CMIP: variants seen among roughly 807,000 people sequenced by gnomAD.
The protein encoded by CMIP is C-Maf-inducing protein.
In CMIP, 13 loss-of-function variants were observed where a neutral mutation model predicts 97.3. That is an observed-to-expected ratio of 0.13 (90% CI 0.09 to 0.21). CMIP has a LOEUF of 0.21. CMIP is among the 10% of genes least tolerant of loss of function. CMIP has a pLI of 1.00. For synonymous variants in CMIP, 538 were observed against 436.3 expected (o/e 1.23, Z -2.91); for missense variants, 847 against 1,024.9 (o/e 0.83, Z 2.37).
intron 1 of CMIP, chr16:81,520,569 G>GGGGGGAGAGAGAGAGAGAGAGAGA (rs370420453): frequency 1.1e-4 from 12 of 106,992 alleles, no homozygotes; most frequent in African/African-American, 5.2e-4. Flanking sequence ...GGAGGAAGGG[G>GGGGGGAGAGAGAGAGAGAGAGAGA]GAGAGAGAGA....
intron 1 of CMIP, among the ~76,000 whole-genome samples, chr16:81,537,594 G>A (rs571003146): frequency 4.7e-5 from 7 of 150,506 alleles, no homozygotes; most frequent in East Asian, 1.9e-4. Flanking sequence ...GGCTGGGCAC[G>A]GTGGCTCACT....
intron 1 of CMIP, among the ~76,000 whole-genome samples, chr16:81,562,307 CTCA>C (rs1465279955): frequency 6.6e-6 from 1 of 152,250 alleles, no homozygotes; most frequent in African/African-American, 2.4e-5. Flanking sequence ...GCTTACCCAG[CTCA>C]TGGTCCAAGG....
chr16:81,687,286 G>A (rs1051889944), intron 10 of CMIP, among the ~76,000 whole-genome samples: 1 of 152,186 alleles, frequency 6.6e-6, no homozygotes, highest in Admixed American at 6.5e-5. Context: ...GGGGTGGTCC[G>A]AGGCAAGATG....
At chr16:81,479,024 C>T (rs772901718) in intron 1 of CMIP, among the ~76,000 whole-genome samples, 5 of 152,184 alleles carry the variant, frequency 3.3e-5, no homozygotes, top group Admixed American at 2.0e-4. Context: ...TAGGAGAAGC[C>T]GGGTCCTCAG....
intron 2 of CMIP, among the ~76,000 whole-genome samples, chr16:81,615,169 G>T (rs539135495): frequency 8.7e-5 from 9 of 103,714 alleles, no homozygotes; most frequent in Non-Finnish European, 1.4e-4. Context: ...TGTGTGTGGT[G>T]TATGTGGTAC....
intron 1 of CMIP, among the ~76,000 whole-genome samples, chr16:81,494,722 C>A (rs569092050): frequency 6.6e-6 from 1 of 152,218 alleles, no homozygotes; most frequent in Admixed American, 6.5e-5. Context: ...AAAGCCTGTG[C>A]TCTTTCGACT....
At chr16:81,610,324 A>G (rs1009945875) in intron 2 of CMIP, 1 of 985,594 alleles carries the variant, frequency 1.0e-6, no homozygotes, top group African/African-American at 1.7e-5. Flanking sequence ...TGAGGAGCCG[A>G]GCGGGCGGGG....
intron 1 of CMIP, among the ~76,000 whole-genome samples, chr16:81,482,332 G>C (rs944488709): frequency 2.0e-5 from 3 of 152,178 alleles, no homozygotes; most frequent in African/African-American, 7.2e-5. Flanking sequence ...AGGATGATTA[G>C]GGCCATTATT....
chr16:81,639,225 A>AC (rs2092274508), intron 3 of CMIP, among the ~76,000 whole-genome samples: 1 of 152,228 alleles, frequency 6.6e-6, no homozygotes, highest in South Asian at 2.1e-4. Flanking sequence ...CCCCGGCTGC[A>AC]CCACATTCAG....
rs1248330391 is a variant in CMIP at position 81,711,154 on chromosome 16, A to G, written c.*1355A>G. 3 of 152,302 alleles carry G rather than the reference A, an allele frequency of 2.0e-5. No individual in the cohort carries two copies. Among genetic ancestry groups the G allele is most frequent in the African/African-American group, 4.8e-5 (2 of 41,308 alleles). 9.4% of individuals were successfully genotyped at this position (152,302 alleles called of 1,614,324 possible). On this transcript the variant is annotated 3_prime_UTR_variant, in exon 21 of 21. Coordinates refer to ENST00000537098, the MANE Select transcript of CMIP (RefSeq NM_198390.3). ...TCTTAATAAGCCCTCACTGTACAGA[A>G]CAGCCCGTTGATGGTTTATTTGGGG...
At chr16:81,499,638 T>C (rs780228163) in intron 1 of CMIP, among the ~76,000 whole-genome samples, 2 of 152,170 alleles carry the variant, frequency 1.3e-5, no homozygotes, top group Non-Finnish European at 2.9e-5. Flanking sequence ...GGAATGTCCT[T>C]AGCAGACTGG....
chr16:81,487,856 TC>T (rs1426358317), intron 1 of CMIP, among the ~76,000 whole-genome samples: 1 of 152,062 alleles, frequency 6.6e-6, no homozygotes, highest in East Asian at 1.9e-4. Context: ...CTCAGAGCAA[TC>T]CCCTATCAAC....
intron 9 of CMIP, among the ~76,000 whole-genome samples, chr16:81,675,004 C>T (rs1005371131): frequency 6.6e-6 from 1 of 152,120 alleles, no homozygotes; most frequent in African/African-American, 2.4e-5. Context: ...TGCCCAGGAC[C>T]CTCCCAGTGC....
chr16:81,668,342 A>G (rs560574155), intron 7 of CMIP, among the ~76,000 whole-genome samples: 3 of 152,204 alleles, frequency 2.0e-5, no homozygotes, highest in African/African-American at 7.2e-5. Context: ...GACCCTGGGA[A>G]TGAATGCGGC....
chr16:81,539,419 C>G (rs142760368), intron 1 of CMIP, among the ~76,000 whole-genome samples: 1 of 152,194 alleles, frequency 6.6e-6, no homozygotes, highest in Admixed American at 6.5e-5. Context: ...TGGATGCACA[C>G]AAGGGCCGTT....
intron 2 of CMIP, among the ~76,000 whole-genome samples, chr16:81,611,561 C>A (rs1597145094): frequency 6.6e-6 from 1 of 152,076 alleles, no homozygotes; most frequent in East Asian, 1.9e-4. Flanking sequence ...CCATCTCTCT[C>A]CCCTCCTTCC....
At chr16:81,507,934 C>T (rs140313194) in intron 1 of CMIP, among the ~76,000 whole-genome samples, 25 of 152,250 alleles carry the variant, frequency 1.6e-4, no homozygotes, top group African/African-American at 2.4e-4. Flanking sequence ...TGGACTGATC[C>T]GGTGATTTTT....
chr16:81,534,694 C>T (rs1012581590), intron 1 of CMIP, among the ~76,000 whole-genome samples: 6 of 151,990 alleles, frequency 3.9e-5, no homozygotes, highest in Admixed American at 3.3e-4. Context: ...GAACTAAGCA[C>T]CTACACCCAG....
At chr16:81,543,659 G>C (rs1025459711) in intron 1 of CMIP, among the ~76,000 whole-genome samples, 1 of 152,142 alleles carries the variant, frequency 6.6e-6, no homozygotes, top group Non-Finnish European at 1.5e-5. Flanking sequence ...CTAGAGCTAA[G>C]GTGAGGATAA....
Sources: gnomAD v4.1 joint callset for allele counts (sites outside exome capture counted in the v4.1 genomes callset) on GRCh38, gnomAD v4.1.1 for gene constraint, MANE v1.5 for transcripts, NCBI Gene and HGNC (gene_info 2026-07-23, HGNC 2026-07-21) for gene names.